Variants in MGST1 observed in about 807,000 individuals in gnomAD.
MGST1 encodes the protein glutathione S-transferase 12.
In MGST1, 5 loss-of-function variants were observed where a neutral mutation model predicts 8.9. The ratio of observed to expected loss-of-function variants is 0.56; its 90% CI spans 0.29 to 1.19. MGST1 has a LOEUF of 1.19. Among genes scored for constraint, MGST1 ranks in the 50% most tolerant of loss-of-function variants. The probability of loss-of-function intolerance (pLI) is 0.08; values close to 1 mark genes in which losing one functional copy is unlikely to be tolerated. For missense variants in MGST1, 182 were observed against 187.4 expected (o/e 0.97, Z 0.17); for synonymous variants, 54 against 67.8 (o/e 0.80, Z 1.00).
At chr12:16,462,787 G>T (rs1427507083) in intron 4 of MGST1, among the ~76,000 whole-genome samples, 2 of 152,234 alleles carry the variant, frequency 1.3e-5, no homozygotes, top group Non-Finnish European at 2.9e-5. Context: ...ACTTTCCCAA[G>T]ATCACGTGGT....
chr12:16,411,543 T>C (rs1940742646), intron 1 of MGST1, among the ~76,000 whole-genome samples: 1 of 152,158 alleles, frequency 6.6e-6, no homozygotes, highest in Admixed American at 6.6e-5. Flanking sequence ...TAATATACGA[T>C]GATTTTGGAT....
chr12:16,390,114 C>T (rs1351233901), intron 1 of MGST1, among the ~76,000 whole-genome samples: 1 of 151,776 alleles, frequency 6.6e-6, no homozygotes, highest in Non-Finnish European at 1.5e-5. Context: ...TTACACATTT[C>T]TCTGGTTAGG....
At chr12:16,388,420 C>T (rs1165928918) in intron 1 of MGST1, among the ~76,000 whole-genome samples, 1 of 152,038 alleles carries the variant, frequency 6.6e-6, no homozygotes, top group Non-Finnish European at 1.5e-5. Context: ...TGACTTGCAA[C>T]CCAGTGGGTT....
In MGST1 at chr12:16,576,276, T is replaced by G. The variant is rs1192406748; in HGVS notation, n.483-13252T>G. 1.3e-5 allele frequency among the ~76,000 whole-genome samples: 2 copies of G among 152,096 alleles called. No individual in the cohort carries two copies. The highest frequency in any genetic ancestry group is 2.9e-5 in the Non-Finnish European group (2 of 68,012). On this transcript the variant is annotated intron_variant and non_coding_transcript_variant, in intron 4 of 4. Transcript: ENST00000538857. This position sits in a 1 kb window ranked among gnomAD's most constrained non-coding sequence, Gnocchi z 4.1. Reference sequence around the variant, plus strand: ...GATAGATGCAGGGAAGCATGAAAGGTCCATCCTGTCTGTCTTCTTTTCTGT... The same window carrying G: ...GATAGATGCAGGGAAGCATGAAAGGGCCATCCTGTCTGTCTTCTTTTCTGT...
chr12:16,456,798 T>C (rs1216458301), intron 4 of MGST1, among the ~76,000 whole-genome samples: 3 of 151,896 alleles, frequency 2.0e-5, no homozygotes, highest in African/African-American at 7.2e-5. Context: ...TCTGAAGTCC[T>C]CATCCTTATT....
chr12:16,401,323 T>A lies in MGST1; in HGVS notation n.778+17719T>A, dbSNP rs914640808. On this transcript the variant is annotated intron_variant and non_coding_transcript_variant, in intron 1 of 1. Transcript: ENST00000359720. The surrounding 1 kb of genome is among the most constrained non-coding windows in gnomAD (Gnocchi z 4.3). ...CATTCCTGTCTTCAGTTTGTATTGATTTTTACTATTGATTACTAGGAAGCT... is the reference window on the plus strand; with the variant it reads ...CATTCCTGTCTTCAGTTTGTATTGAATTTTACTATTGATTACTAGGAAGCT... 1.8e-5 allele frequency: 25 copies of A among 1,396,540 alleles called. No individual in the cohort carries two copies. The African/African-American group carries it at 3.3e-4, about 18-fold the overall frequency. The allele number at this position is 1,396,540 out of a possible 1,614,324, so 86.5% of individuals were successfully genotyped here.
intron 1 of MGST1, among the ~76,000 whole-genome samples, chr12:16,408,768 C>T (rs1191889836): frequency 6.6e-6 from 1 of 151,912 alleles, no homozygotes; most frequent in Non-Finnish European, 1.5e-5. Flanking sequence ...GTTAAATCAC[C>T]TCCCTCTCTT....
chr12:16,383,049 C>T (rs1252177828), exon 1 of MGST1: 1 of 152,604 alleles, frequency 6.6e-6, no homozygotes, highest in Non-Finnish European at 1.5e-5. Context: ...TCTCTCACCC[C>T]TTTCTTTGAC....
At position 16,401,436 on chromosome 12, in the gene MGST1, G is replaced by C. The variant is rs1940654988; in HGVS notation, n.778+17832G>C. ...GCTTCTGCTTTTTAGCCACGTCCAT[G>C]ACAGCATTATATACATCACATATCT... is the stretch of plus-strand genomic sequence containing the variant. On this transcript the variant is annotated intron_variant and non_coding_transcript_variant, in intron 1 of 1. Transcript: ENST00000359720. The surrounding 1 kb of genome is among the most constrained non-coding windows in gnomAD (Gnocchi z 4.3). The C allele has an allele frequency of 3.5e-6, 3 of 864,954 alleles. No homozygotes were observed. 53.6% of individuals were successfully genotyped at this position (864,954 alleles called of 1,614,324 possible).
chr12:16,392,939 TTA>T (rs112328151), intron 1 of MGST1, among the ~76,000 whole-genome samples: 21 of 152,232 alleles, frequency 1.4e-4, no homozygotes, highest in African/African-American at 5.1e-4. Flanking sequence ...GTATAGACAT[TTA>T]TCTATATCCC....
chr12:16,571,354 T>G (rs1942807400), intron 4 of MGST1, among the ~76,000 whole-genome samples: 1 of 152,136 alleles, frequency 6.6e-6, no homozygotes, highest in South Asian at 2.1e-4. Flanking sequence ...TCACTTTTGT[T>G]AAAGTACTTT....
intron 1 of MGST1, among the ~76,000 whole-genome samples, chr12:16,434,479 A>T (rs943640770): frequency 1.3e-5 from 2 of 150,992 alleles, no homozygotes; most frequent in South Asian, 2.1e-4. Flanking sequence ...TTCAATTTTT[A>T]ACATGCTTCA....
chr12:16,477,149 T>C (rs956494725), intron 4 of MGST1, among the ~76,000 whole-genome samples: 1 of 152,196 alleles, frequency 6.6e-6, no homozygotes, highest in Non-Finnish European at 1.5e-5. Flanking sequence ...TTATATTCAC[T>C]CACTTTTATA....
chr12:16,498,123 A>G (rs1941481701), intron 4 of MGST1, among the ~76,000 whole-genome samples: 1 of 152,174 alleles, frequency 6.6e-6, no homozygotes, highest in South Asian at 2.1e-4. Flanking sequence ...ATGTACTTTC[A>G]AATAAAAGGA....
chr12:16,472,804 G>A (rs1248852649), intron 4 of MGST1, among the ~76,000 whole-genome samples: 3 of 152,084 alleles, frequency 2.0e-5, no homozygotes, highest in East Asian at 3.9e-4. Flanking sequence ...TTCAATTGGC[G>A]TTGTACTGAA....
intron 4 of MGST1, among the ~76,000 whole-genome samples, chr12:16,488,365 C>T (rs1032429624): frequency 2.6e-5 from 4 of 152,152 alleles, no homozygotes; most frequent in Non-Finnish European, 5.9e-5. Flanking sequence ...TCATCTCTCT[C>T]CCCTCTCTGC....
At chr12:16,350,492 T>A (rs557428426) in intron 1 of MGST1, among the ~76,000 whole-genome samples, 81 of 152,336 alleles carry the variant, frequency 5.3e-4, no homozygotes, top group African/African-American at 1.9e-3. Context: ...TTTCATCCTG[T>A]TATTTATTAT....
At chr12:16,592,170 G>A (rs981591509), downstream of MGST1, among the ~76,000 whole-genome samples, 1 of 151,892 alleles carries the variant, frequency 6.6e-6, no homozygotes, top group African/African-American at 2.4e-5. Flanking sequence ...TTATAAGAAC[G>A]AAGTATTGGC....
intron 1 of MGST1, among the ~76,000 whole-genome samples, chr12:16,398,187 T>G (rs750395877): frequency 5.3e-5 from 8 of 151,228 alleles, no homozygotes; most frequent in Non-Finnish European, 8.8e-5. Context: ...CAAACAAACA[T>G]AAAATCCGAG....
Sources: gnomAD v4.1 joint callset for allele counts (sites outside exome capture counted in the v4.1 genomes callset) on GRCh38, gnomAD v4.1.1 for gene constraint, Gnocchi (gnomAD v3.1) non-coding constraint, MANE v1.5 for transcripts, NCBI Gene and HGNC (gene_info 2026-07-23, HGNC 2026-07-21) for gene names.